OSBPL11: variants seen among roughly 807,000 people sequenced by gnomAD.
OSBPL11 encodes oxysterol binding protein like 11.
OSBPL11 carries 33 observed loss-of-function variants against 84.4 expected under a neutral mutation model. The ratio of observed to expected loss-of-function variants is 0.39; its 90% CI spans 0.30 to 0.52. The LOEUF is 0.52. OSBPL11 is among the 20% of genes least tolerant of loss of function. The pLI is 0.72. For missense variants in OSBPL11, 736 were observed against 901.1 expected (o/e 0.82, Z 2.35); for synonymous variants, 276 against 310.2 (o/e 0.89, Z 1.16).
At chr3:125,542,379 G>A (rs1935742693) in intron 10 of OSBPL11, among the ~76,000 whole-genome samples, 2 of 151,616 alleles carry the variant, frequency 1.3e-5, no homozygotes, top group Non-Finnish European at 2.9e-5. Context: ...GAGTGCAATG[G>A]TGCGATCTCG....
At chr3:125,583,765 A>T (rs1367560978) in intron 1 of OSBPL11, among the ~76,000 whole-genome samples, 9 of 152,102 alleles carry the variant, frequency 5.9e-5, no homozygotes. Flanking sequence ...AGAATAATAA[A>T]TAAAGCCCAC....
intron 5 of OSBPL11, among the ~76,000 whole-genome samples, chr3:125,575,530 T>C (rs760514548): frequency 9.9e-5 from 15 of 151,296 alleles, no homozygotes; most frequent in Admixed American, 7.9e-4. Flanking sequence ...CCTACCACTG[T>C]TTGTTTTTTT....
rs746547285 is a variant in OSBPL11, at chr3:125,581,637, G to A, written c.233+1273C>T. 1.2e-3 allele frequency among the ~76,000 whole-genome samples: 173 copies of A among 148,656 alleles called. 1 individual carries two copies. The highest frequency in any genetic ancestry group is 1.8e-3 in the Non-Finnish European group (122 of 67,206). On this transcript the variant is annotated intron_variant, in intron 2 of 12. Transcript: ENST00000296220. ...CATGAACCCTGGAGGCAGAGGTTGC[G>A]GTGAGCTGAGATTGCACCACTACAC...
chr3:125,592,069 A>ACTT (rs10528662), intron 1 of OSBPL11, among the ~76,000 whole-genome samples: 89 of 151,764 alleles, frequency 5.9e-4, no homozygotes, highest in Admixed American at 2.2e-3. Context: ...CTATTTATTT[A>ACTT]ACTATTTTTG....
At position 125,594,735 on chromosome 3, in the gene OSBPL11, C is replaced by T. The variant is rs1232445361; in HGVS notation, c.66G>A (p.Gln22=). 1.1e-5 allele frequency: 18 copies of T among 1,614,098 alleles called. No homozygotes were observed. In the East Asian group the frequency reaches 4.0e-4, roughly 36 times the overall value. ...VSESEGKLEG[Q]ATAVTPNKNS... is the part of the protein sequence containing the mutation. Reference sequence around the variant, plus strand: ...TCTTGTTCGGGGTCACCGCTGTGGCCTGGCCCTCCAGCTTTCCTTCGCTCT... The same window carrying T: ...TCTTGTTCGGGGTCACCGCTGTGGCTTGGCCCTCCAGCTTTCCTTCGCTCT... Residue 22 remains glutamine, a synonymous_variant, in exon 1 of 13, where the codon CAG becomes CAA. Transcript: ENST00000296220.
intron 1 of OSBPL11, among the ~76,000 whole-genome samples, chr3:125,590,329 C>G (rs1936578203): frequency 6.6e-6 from 1 of 152,166 alleles, no homozygotes; most frequent in Admixed American, 6.5e-5. Context: ...GTGGGTGGAT[C>G]ACTTGAGGTC....
Position 125,576,208 on chromosome 3 carries a change from T to C in OSBPL11, c.647A>G (p.His216Arg), listed in dbSNP as rs761281327. The stretch of plus-strand genomic sequence containing the variant: ...ACTTACTTCTCTGACTTCCACAAGA[T>C]GGTCTGGAGGTAAATTAGTTCTTTT... ...LSKRTNLPPD[H>R]LVEVREMMSH... is the part of the protein sequence containing the mutation. Residue 216 changes from histidine to arginine, a missense_variant, in exon 5 of 13, where the codon CAT becomes CGT. Around this residue, in one of 3 missense-constraint regions of OSBPL11, gnomAD observed 579 missense variants for 717.6 expected, o/e 0.81. Transcript: ENST00000296220. 6.4e-5 allele frequency: 103 copies of C among 1,607,764 alleles called. No individual in the cohort carries two copies. In the East Asian group the frequency reaches 2.3e-3, roughly 36 times the overall value.
rs1466017267 is a variant in OSBPL11 at position 125,574,370 on chromosome 3, C to T, written c.666+1819G>A. ...GACTCAACTACACATTTAAAAAATT[C>T]TCTATATAAAAAGTGGGAAGTACAT... is the stretch of plus-strand genomic sequence containing the variant. On this transcript the variant is annotated intron_variant, in intron 5 of 12. Transcript: ENST00000296220. Among the ~76,000 whole-genome samples, 5 of 151,694 alleles carry T rather than the reference C, an allele frequency of 3.3e-5. No individual in the cohort carries two copies. In the East Asian group the frequency reaches 9.6e-4, roughly 29 times the overall value.
chr3:125,558,835 G>A (rs35231398), intron 8 of OSBPL11, among the ~76,000 whole-genome samples: 10,341 of 152,184 alleles, frequency 0.068, 471 homozygotes, highest in Non-Finnish European at 0.098. Flanking sequence ...TATATGAATC[G>A]TCAGGGATCT....
intron 9 of OSBPL11, among the ~76,000 whole-genome samples, chr3:125,551,443 T>C (rs1161106431): frequency 2.6e-5 from 4 of 152,084 alleles, no homozygotes; most frequent in African/African-American, 7.2e-5. Context: ...TTCTGCTTTG[T>C]ACTTTTCTAG....
intron 2 of OSBPL11, among the ~76,000 whole-genome samples, chr3:125,581,017 A>G (rs891230618): frequency 1.3e-5 from 2 of 151,930 alleles, no homozygotes; most frequent in Non-Finnish European, 2.9e-5. Context: ...TACACTTTGG[A>G]AAAAAAAATT....
At chr3:125,594,581 G>A in intron 1 of OSBPL11, 56 bp downstream of exon 1, 1 of 1,577,998 alleles carries the variant, frequency 6.3e-7, no homozygotes, top group South Asian at 1.1e-5. Context: ...GCAGCCTCCA[G>A]GGCATATTCA....
chr3:125,538,496 T>G lies in OSBPL11; in HGVS notation c.1979A>C (p.Lys660Thr). The G allele has an allele frequency of 6.2e-7, 1 of 1,614,166 alleles. No individual in the cohort carries two copies. The highest frequency in any genetic ancestry group is 8.5e-7 in the Non-Finnish European group (1 of 1,180,012). Reference protein sequence around the residue: ...YVDLTKLAVTKKRVRPLEKQD... With the variant: ...YVDLTKLAVTTKRVRPLEKQD... Reference sequence around the variant, plus strand: ...CTTCTCCAGAGGTCTCACTCTTTTCTTCGTCACTGCCAATTTAGTCAAGTC... The same window carrying G: ...CTTCTCCAGAGGTCTCACTCTTTTCGTCGTCACTGCCAATTTAGTCAAGTC... Residue 660 changes from lysine (K) to threonine (T), a missense_variant, in exon 11 of 13, where the codon AAG becomes ACG. Physicochemically the swap from Lys to Thr is moderately conservative, Grantham distance 78. Around this residue, in one of 3 missense-constraint regions of OSBPL11, gnomAD observed 579 missense variants for 717.6 expected, o/e 0.81. Coordinates refer to ENST00000296220, the MANE Select transcript of OSBPL11 (RefSeq NM_022776.5).
At chr3:125,565,983 T>G (rs1936147981) in intron 6 of OSBPL11, among the ~76,000 whole-genome samples, 1 of 152,110 alleles carries the variant, frequency 6.6e-6, no homozygotes, top group African/African-American at 2.4e-5. Context: ...AGTTTGTTCC[T>G]TTTGGTAGTA....
chr3:125,544,111 A>C (rs1214616131), intron 10 of OSBPL11, among the ~76,000 whole-genome samples: 1 of 147,896 alleles, frequency 6.8e-6, no homozygotes, highest in African/African-American at 2.5e-5. Flanking sequence ...TCACTCTTGC[A>C]ATGGTGCCAT....
At chr3:125,535,437 A>ACT (rs1559833754) in intron 11 of OSBPL11, among the ~76,000 whole-genome samples, 10 of 126,854 alleles carry the variant, frequency 7.9e-5, no homozygotes, top group Non-Finnish European at 1.5e-4. Flanking sequence ...ATTCAGAAGC[A>ACT]TCTTTTTTTT....
chr3:125,544,743 C>T (rs1440373499), intron 10 of OSBPL11, among the ~76,000 whole-genome samples: 1 of 152,038 alleles, frequency 6.6e-6, no homozygotes, highest in Non-Finnish European at 1.5e-5. Context: ...TGAGATGGCC[C>T]TATATGCGGG....
intron 8 of OSBPL11, 151 bp from the exon 9 acceptor site, chr3:125,552,830 A>C: frequency 9.8e-7 from 1 of 1,025,118 alleles, no homozygotes; most frequent in Non-Finnish European, 1.4e-6. Context: ...AAAAATAAGC[A>C]TTCTTGGCCA....
intron 12 of OSBPL11, 141 bp downstream of exon 12, chr3:125,531,720 C>G: frequency 6.4e-6 from 5 of 778,726 alleles, no homozygotes; most frequent in Middle Eastern, 4.0e-4. Flanking sequence ...AGGCTGGTCT[C>G]AAAAACAGTT....
Sources: gnomAD v4.1 joint callset for allele counts (sites outside exome capture counted in the v4.1 genomes callset) on GRCh38, gnomAD v4.1.1 for gene constraint, gnomAD v4.1.1 regional missense constraint, MANE v1.5 for transcripts, NCBI Gene and HGNC (gene_info 2026-07-23, HGNC 2026-07-21) for gene names.